Variants in KPNA7 observed in about 807,000 individuals in gnomAD.
KPNA7 encodes importin subunit alpha-8.
A neutral mutation model predicts 53.7 loss-of-function variants in KPNA7; 54 were observed. That is an observed-to-expected ratio of 1.01 (90% CI 0.81 to 1.26). KPNA7 has a LOEUF of 1.26. Among genes scored for constraint, KPNA7 ranks in the 50% most tolerant of loss-of-function variants. KPNA7 has a pLI of 0.00. For synonymous variants in KPNA7, 276 were observed against 259.3 expected (o/e 1.06, Z -0.62); for missense variants, 640 against 644.5 (o/e 0.99, Z 0.07).
intron 8 of KPNA7, among the ~76,000 whole-genome samples, chr7:99,182,335 C>T (rs550342781): frequency 6.6e-5 from 10 of 152,124 alleles, no homozygotes; most frequent in Admixed American, 6.5e-5. Flanking sequence ...GTAGCTGGGA[C>T]TACAGGTGTG....
At chr7:99,163,359 G>GTGTATA in the KPNA7 span, among the ~76,000 whole-genome samples, 20 of 66,416 alleles carry the variant, frequency 3.0e-4, no homozygotes, top group East Asian at 1.4e-3. Context: ...ATGAGTGTGT[G>GTGTATA]TATATATATA....
At chr7:99,183,429 C>T (rs1789387304) in intron 8 of KPNA7, among the ~76,000 whole-genome samples, 1 of 152,102 alleles carries the variant, frequency 6.6e-6, no homozygotes. Context: ...CTTATGGCTC[C>T]AAGCAAGTTA....
chr7:99,188,398 G>C lies in KPNA7; in HGVS notation c.802C>G (p.Leu268Val). 6.4e-7 allele frequency: 1 copy of C among 1,551,638 alleles called. No individual in the cohort carries two copies. Among genetic ancestry groups the C allele is most frequent in the Non-Finnish European group, 8.7e-7 (1 of 1,147,006 alleles). Residue 268 changes from leucine to valine, a missense_variant, in exon 7 of 11, where the codon CTC (leucine) becomes GTC (valine). Transcript: ENST00000327442. ...LSDACWALSY[L>V]TDGSNKRIGQ... is the part of the protein sequence containing the mutation. ...ATGCGCTTGTTGGAGCCGTCGGTGA[G>C]GTAGGACAGTGCCCAGCAGGCATCC...
chr7:99,177,938 G>C lies in KPNA7; in HGVS notation c.1446C>G (p.Ile482Met). The C allele has an allele frequency of 6.4e-7, 1 of 1,551,868 alleles. No homozygotes were observed. The highest frequency in any genetic ancestry group is 2.4e-5 in the East Asian group (1 of 40,904). Reference protein sequence around the residue: ...RQIGQSALNIIEKHFGEEEDE... With the variant: ...RQIGQSALNIMEKHFGEEEDE... The stretch of plus-strand genomic sequence containing the variant: ...CACTTACCTCACCAAAGTGCTTCTC[G>C]ATGATGTTCAAAGCCGACTGGCCAA... Residue 482 changes from isoleucine to methionine, a missense_variant, in exon 10 of 11, where the codon ATC becomes ATG. Coordinates refer to ENST00000327442, the MANE Select transcript of KPNA7 (RefSeq NM_001145715.3).
intron 9 of KPNA7, among the ~76,000 whole-genome samples, chr7:99,178,587 A>T (rs532888452): frequency 6.6e-6 from 1 of 151,962 alleles, no homozygotes; most frequent in African/African-American, 2.4e-5. Flanking sequence ...TTAATAAAGA[A>T]GATACACAGG....
chr7:99,197,285 A>G (rs546434993), intron 3 of KPNA7, among the ~76,000 whole-genome samples: 2 of 152,332 alleles, frequency 1.3e-5, no homozygotes, highest in South Asian at 4.1e-4. Flanking sequence ...CAGCAGCCAC[A>G]CATCACAAAA....
At chr7:99,167,561 T>G in the KPNA7 span, among the ~76,000 whole-genome samples, 1 of 146,538 alleles carries the variant, frequency 6.8e-6, no homozygotes, top group African/African-American at 2.5e-5. Flanking sequence ...CAAGCAATTC[T>G]CCTGCCTCAG....
rs138172281 is a variant in KPNA7 at position 99,217,911 on chromosome 7, G to A, written c.-23-10422C>T. ...CTCCCAAAGTGCTGGGATTACAGGC[G>A]TGAGCCTCCATGCCCGGCCCCACCT... is the stretch of plus-strand genomic sequence containing the variant. On this transcript the variant is annotated intron_variant, in intron 1 of 10. Transcript: ENST00000681060. Among the ~76,000 whole-genome samples the A allele has an allele frequency of 6.6e-3, 1,003 of 152,210 alleles. 11 individuals are homozygous for A. The highest frequency in any genetic ancestry group is 0.022 in the African/African-American group (934 of 41,520).
downstream of KPNA7, among the ~76,000 whole-genome samples, chr7:99,171,968 C>T (rs543082619): frequency 3.3e-5 from 5 of 152,190 alleles, no homozygotes; most frequent in African/African-American, 1.2e-4. Flanking sequence ...AGATTACTGA[C>T]GTATTACATT....
At chr7:99,155,097 C>T in the KPNA7 span, among the ~76,000 whole-genome samples, 1 of 152,224 alleles carries the variant, frequency 6.6e-6, no homozygotes, top group East Asian at 1.9e-4. Flanking sequence ...CAATTTAGGA[C>T]ATTATCTGTT....
chr7:99,213,430 TAAAAAAAA>T lies in KPNA7; in HGVS notation c.-23-5949_-23-5942del, dbSNP rs61231738. Among the ~76,000 whole-genome samples, 93 of 72,906 alleles carry T rather than the reference TAAAAAAAA, an allele frequency of 1.3e-3. 1 individual carries two copies. In the East Asian group the frequency reaches 0.017, roughly 14 times the overall value. 47.8% of individuals were successfully genotyped at this position (72,906 alleles called of 152,430 possible). A position where few individuals can be genotyped will look rare whatever the true frequency, so the allele number is the denominator to read the frequency against. On this transcript the variant is annotated intron_variant, in intron 1 of 10. Transcript: ENST00000681060. The stretch of plus-strand genomic sequence containing the variant: ...GTGTGAGCCACTGCACCTGGCCTTT[TAAAAAAAA>T]AAAAAAAAAAAAAAAAAAAGAGAGA...
intron 1 of KPNA7, among the ~76,000 whole-genome samples, chr7:99,219,204 G>C (rs1791288732): frequency 6.6e-6 from 1 of 152,224 alleles, no homozygotes; most frequent in Admixed American, 6.5e-5. Context: ...CTCATGTTCA[G>C]AACCTTCAGC....
At chr7:99,200,443 C>T (rs1362578723) in intron 3 of KPNA7, among the ~76,000 whole-genome samples, 1 of 152,186 alleles carries the variant, frequency 6.6e-6, no homozygotes, top group Non-Finnish European at 1.5e-5. Context: ...AATTTAATCA[C>T]ATATGCTACA....
chr7:99,204,367 G>T (rs1044502876), intron 2 of KPNA7, among the ~76,000 whole-genome samples: 2 of 150,886 alleles, frequency 1.3e-5, no homozygotes, highest in Admixed American at 1.3e-4. Context: ...GCAAGACCCT[G>T]CCTCTACAAA....
intron 3 of KPNA7, among the ~76,000 whole-genome samples, chr7:99,202,062 C>T (rs774369719): frequency 1.3e-5 from 2 of 152,002 alleles, no homozygotes; most frequent in Non-Finnish European, 2.9e-5. Context: ...AGGGACTGCT[C>T]CAAACAAATG....
Position 99,201,709 on chromosome 7 carries a change from G to A in KPNA7, c.201+1397C>T, listed in dbSNP as rs141040400. ...GACCAAAAGAAAAACAACTTTTTGG[G>A]GTTGTTTGTTGGAGTGAGATGGAGT... On this transcript the variant is annotated intron_variant, in intron 3 of 10. Coordinates refer to ENST00000327442, the MANE Select transcript of KPNA7 (RefSeq NM_001145715.3). Among the ~76,000 whole-genome samples the A allele has an allele frequency of 4.2e-3, 628 of 151,184 alleles. 2 individuals carry two copies. Among genetic ancestry groups the A allele is most frequent in the African/African-American group, 0.014 (583 of 41,224 alleles).
chr7:99,217,894 G>A (rs868800171), intron 1 of KPNA7, among the ~76,000 whole-genome samples: 1 of 152,246 alleles, frequency 6.6e-6, no homozygotes, highest in African/African-American at 2.4e-5. Flanking sequence ...GCCTCCCAAA[G>A]TGCTGGGATT....
intron 1 of KPNA7, among the ~76,000 whole-genome samples, chr7:99,213,293 C>G (rs1170237132): frequency 4.6e-5 from 7 of 151,654 alleles, no homozygotes; most frequent in Non-Finnish European, 7.4e-5. Context: ...CACCCCCCAG[C>G]TAACTTTTGT....
chr7:99,178,291 C>G (rs367715661), intron 9 of KPNA7, among the ~76,000 whole-genome samples: 7 of 152,066 alleles, frequency 4.6e-5, no homozygotes, highest in African/African-American at 1.7e-4. Context: ...AATATAGGGC[C>G]GGGCGCAGTG....
Sources: allele counts gnomAD v4.1 joint callset (sites outside exome capture counted in the v4.1 genomes callset), GRCh38; gene constraint gnomAD v4.1.1; transcripts MANE v1.5; gene names NCBI Gene and HGNC (gene_info 2026-07-23, HGNC 2026-07-21).